Variants in PPP1R21 observed in about 807,000 individuals in gnomAD.
PPP1R21 encodes KLRAQ motif containing 1.
PPP1R21 carries 85 observed loss-of-function variants against 112.8 expected under a neutral mutation model. The observed-to-expected ratio is 0.75, with a 90% CI of 0.63 to 0.90. The LOEUF is 0.90. Among genes scored for constraint, PPP1R21 ranks in the 40% least tolerant of loss-of-function variants. PPP1R21 has a pLI of 0.00. For missense variants in PPP1R21, 1,199 were observed against 901.5 expected (o/e 1.33, Z -4.23); for synonymous variants, 381 against 322.3 (o/e 1.18, Z -1.95).
chr2:48,467,516 A>C (rs1007589511), intron 9 of PPP1R21, among the ~76,000 whole-genome samples: 3 of 152,142 alleles, frequency 2.0e-5, no homozygotes, highest in African/African-American at 7.2e-5. Context: ...ATGTCACTGG[A>C]GCTGGGGGAT....
chr2:48,479,374 C>T (rs1005311869), intron 12 of PPP1R21: 1 of 424,802 alleles, frequency 2.4e-6, no homozygotes, highest in East Asian at 7.1e-5. Context: ...TAGCCTCTCA[C>T]TGTTATTACT....
At chr2:48,469,535 T>TATATATATATAGAGAGAG (rs1553339307) in intron 9 of PPP1R21, among the ~76,000 whole-genome samples, 8 of 73,222 alleles carry the variant, frequency 1.1e-4, no homozygotes, top group African/African-American at 3.4e-4. Context: ...TATATATATA[T>TATATATATATAGAGAGAG]AGAGCATATA....
At chr2:48,442,481 T>C (rs749758973) in intron 1 of PPP1R21, among the ~76,000 whole-genome samples, 3 of 152,162 alleles carry the variant, frequency 2.0e-5, no homozygotes, top group Non-Finnish European at 4.4e-5. Flanking sequence ...TGAAAAGTTT[T>C]TGGATATGTA....
At position 48,474,761 on chromosome 2, in the gene PPP1R21, A is replaced by G. The variant is rs1668676284; in HGVS notation, c.1167A>G (p.Lys389=). 1 of 1,613,594 alleles carries G rather than the reference A, an allele frequency of 6.2e-7. No homozygotes were observed. The highest frequency in any genetic ancestry group is 8.5e-7 in the Non-Finnish European group (1 of 1,179,778). Residue 389 remains lysine (K), a synonymous_variant, in exon 12 of 22, where the codon AAA becomes AAG. Transcript: ENST00000294952. ...ATCTAGAGCTGTCCCAGGACATGAAAAAAATGACAGCTGTGTTTGAGAAGC... is the reference window on the plus strand; with the variant it reads ...ATCTAGAGCTGTCCCAGGACATGAAGAAAATGACAGCTGTGTTTGAGAAGC... ...ARNLELSQDM[K]KMTAVFEKLQ...
Position 48,451,014 on chromosome 2 carries a change from G to C in PPP1R21, c.64G>C (p.Ala22Pro). 6.2e-7 allele frequency: 1 copy of C among 1,613,286 alleles called. No individual in the cohort carries two copies. The highest frequency in any genetic ancestry group is 8.5e-7 in the Non-Finnish European group (1 of 1,179,342). ...KLAQEYSKLR[A>P]QNQVLKKGVV... is the part of the protein sequence containing the mutation. Reference sequence around the variant, plus strand: ...TTGCTTTCTCTGTTTTCAGCTTCGGGCTCAGAATCAGGTTCTGAAAAAAGG... The same window carrying C: ...TTGCTTTCTCTGTTTTCAGCTTCGGCCTCAGAATCAGGTTCTGAAAAAAGG... The change falls in exon 2 of 22, where the codon GCT (alanine) becomes CCT (proline). Residue 22 changes from alanine to proline, a missense_variant. Ala to Pro is a conservative substitution (Grantham distance 27, BLOSUM62 -1). Transcript: ENST00000294952.
intron 12 of PPP1R21, among the ~76,000 whole-genome samples, chr2:48,477,720 C>T (rs901585211): frequency 5.3e-5 from 8 of 150,792 alleles, no homozygotes; most frequent in Admixed American, 4.6e-4. Flanking sequence ...CTTGCAATCC[C>T]GTATGAATTT....
At chr2:48,513,730 C>T (rs552666668) in intron 21 of PPP1R21, among the ~76,000 whole-genome samples, 3 of 152,284 alleles carry the variant, frequency 2.0e-5, no homozygotes, top group Admixed American at 2.0e-4. Flanking sequence ...CATTTGTTTG[C>T]TATGATCTTG....
intron 17 of PPP1R21, 109 bp from the exon 18 acceptor site, chr2:48,505,455 T>C: frequency 1.3e-6 from 1 of 798,036 alleles, no homozygotes; most frequent in Middle Eastern, 2.3e-4. Flanking sequence ...TCTAGTTCTG[T>C]ACCCTCAATG....
At position 48,440,855 on chromosome 2, in the gene PPP1R21, G is replaced by T. The variant is rs1666985970; in HGVS notation, c.-99G>T. The T allele has an allele frequency of 4.9e-6, 4 of 816,846 alleles. No individual in the cohort carries two copies. In the South Asian group the frequency reaches 6.1e-5, roughly 13 times the overall value. 50.6% of individuals were successfully genotyped at this position (816,846 alleles called of 1,614,324 possible). A position where few individuals can be genotyped will look rare whatever the true frequency, so the allele number is the denominator to read the frequency against. ...GGCGGCTGCGGTGGCCAAGCAGGCA[G>T]ATACTGCCTGACCCGTTCCCGGGAG... is the stretch of plus-strand genomic sequence containing the variant. On this transcript the variant is annotated 5_prime_UTR_variant, in exon 1 of 22. Transcript: ENST00000294952.
chr2:48,454,248 G>C (rs1321316464), intron 2 of PPP1R21, among the ~76,000 whole-genome samples: 1 of 151,870 alleles, frequency 6.6e-6, no homozygotes, highest in Admixed American at 6.6e-5. Flanking sequence ...GCAATAGAGC[G>C]AGACTCTGTC....
At chr2:48,468,853 G>GTGTGTGTT (rs1324745572) in intron 9 of PPP1R21, among the ~76,000 whole-genome samples, 18 of 150,430 alleles carry the variant, frequency 1.2e-4, no homozygotes, top group Non-Finnish European at 2.4e-4. Context: ...GTGTGTGTGT[G>GTGTGTGTT]TGTGTATGTA....
At chr2:48,485,188 A>G (rs899360088) in intron 13 of PPP1R21, among the ~76,000 whole-genome samples, 24 of 152,144 alleles carry the variant, frequency 1.6e-4, no homozygotes, top group African/African-American at 3.6e-4. Context: ...GGTATTAACA[A>G]TCCCACTACT....
At chr2:48,490,010 C>T (rs1238204577) in intron 14 of PPP1R21, among the ~76,000 whole-genome samples, 1 of 151,616 alleles carries the variant, frequency 6.6e-6, no homozygotes, top group Non-Finnish European at 1.5e-5. Context: ...GTGCCACCGC[C>T]CTCCAGCCTG....
At chr2:48,460,022 C>T (rs1667906916) in intron 5 of PPP1R21, 73 bp from the exon 6 acceptor site, 6 of 1,593,806 alleles carry the variant, frequency 3.8e-6, no homozygotes, top group Non-Finnish European at 5.1e-6. Flanking sequence ...CTTTTGCCTG[C>T]AGGGTCTTAC....
chr2:48,476,057 C>CT (rs1344130834), intron 12 of PPP1R21, among the ~76,000 whole-genome samples: 7 of 152,064 alleles, frequency 4.6e-5, no homozygotes, highest in Non-Finnish European at 8.8e-5. Context: ...TTTTGGAACA[C>CT]TTTTATCACC....
intron 13 of PPP1R21, among the ~76,000 whole-genome samples, chr2:48,483,951 G>GTGC (rs1438645056): frequency 7.2e-5 from 11 of 152,070 alleles, no homozygotes; most frequent in Admixed American, 7.2e-4. Flanking sequence ...GTCTCCCAAA[G>GTGC]TGCTGGGATT....
rs868474889 is a variant in PPP1R21, at chr2:48,493,493, G to T, written c.1600-2186G>T. ...TTCATGGTGATCATTCTTAGCCAGGGTTGATTTCCAAGGTAGAAACATTCA... is the reference window on the plus strand; with the variant it reads ...TTCATGGTGATCATTCTTAGCCAGGTTTGATTTCCAAGGTAGAAACATTCA... On this transcript the variant is annotated intron_variant, in intron 15 of 21. Transcript: ENST00000294952. Among the ~76,000 whole-genome samples the T allele has an allele frequency of 7.9e-4, 120 of 152,186 alleles. 1 individual carries two copies. In the Middle Eastern group the frequency reaches 0.014, roughly 17 times the overall value.
At chr2:48,477,682 T>C (rs1000309555) in intron 12 of PPP1R21, among the ~76,000 whole-genome samples, 3 of 149,722 alleles carry the variant, frequency 2.0e-5, no homozygotes, top group Middle Eastern at 3.4e-3. Flanking sequence ...TTTTTTTTTT[T>C]CAAGATTGTT....
chr2:48,442,503 C>T (rs769159101), intron 1 of PPP1R21, among the ~76,000 whole-genome samples: 1 of 152,138 alleles, frequency 6.6e-6, no homozygotes, highest in African/African-American at 2.4e-5. Context: ...GCTTGTTTAG[C>T]AGACAATATG....
Sources: gnomAD v4.1 joint callset for allele counts (sites outside exome capture counted in the v4.1 genomes callset) on GRCh38, gnomAD v4.1.1 for gene constraint, MANE v1.5 for transcripts, NCBI Gene and HGNC (gene_info 2026-07-23, HGNC 2026-07-21) for gene names.